Variants in SIDT2 observed in about 807,000 individuals in gnomAD.
SIDT2 encodes SID1 transmembrane family, member 2.
A neutral mutation model predicts 114.4 loss-of-function variants in SIDT2; 68 were observed. The observed-to-expected ratio is 0.59, with a 90% CI of 0.49 to 0.73. The LOEUF is 0.73. SIDT2 is among the 30% of genes least tolerant of loss of function. SIDT2 has a pLI of 0.00. For missense variants in SIDT2, 918 were observed against 1,097.1 expected (o/e 0.84, Z 2.31); for synonymous variants, 470 against 438.4 (o/e 1.07, Z -0.90).
intron 22 of SIDT2, 74 bp from the exon 23 acceptor site, chr11:117,193,079 G>T (rs894270064): frequency 6.0e-5 from 90 of 1,493,836 alleles, no homozygotes; most frequent in Middle Eastern, 1.7e-4. Flanking sequence ...AATAAAACAT[G>T]CCTAGGCAGG....
At chr11:117,184,253 G>A in intron 8 of SIDT2, 114 bp downstream of exon 8, 2 of 1,053,670 alleles carry the variant, frequency 1.9e-6, no homozygotes, top group Non-Finnish European at 2.8e-6. Context: ...ATATGCTGGT[G>A]GGGTAGGAAC....
chr11:117,193,187 T>C lies in SIDT2; in HGVS notation c.2140T>C (p.Phe714Leu). The change falls in exon 23 of 26, where the codon TTC becomes CTC. Residue 714 changes from phenylalanine (F) to leucine (L), a missense_variant. By Grantham distance (22) the Phe-to-Leu change is conservative (BLOSUM62 0). Transcript: ENST00000324225. ...TGGGCTTATCATGCGCCCCAATGAT[T>C]TCGCTTCCTACTTGTTGGCCATTGG... is the stretch of plus-strand genomic sequence containing the variant. ...AYGLIMRPNDFASYLLAIGIC... is the reference protein window; with the variant it reads ...AYGLIMRPNDLASYLLAIGIC... 6.2e-7 allele frequency: 1 copy of C among 1,614,142 alleles called. No individual in the cohort carries two copies. The highest frequency in any genetic ancestry group is 8.5e-7 in the Non-Finnish European group (1 of 1,180,014).
Position 117,181,404 on chromosome 11 carries a change from G to T in SIDT2, c.184-12G>T. On this transcript the variant is annotated splice_polypyrimidine_tract_variant and intron_variant, in intron 1 of 25. Coordinates refer to ENST00000324225, the MANE Select transcript of SIDT2 (RefSeq NM_001040455.2). The stretch of plus-strand genomic sequence containing the variant: ...GCAGAGGCTTGAGAGGCATTTCCAT[G>T]TCGTTCTGCAGACAGAGGGCGTGCG... The T allele has an allele frequency of 6.2e-7, 1 of 1,613,244 alleles. No individual in the cohort carries two copies. The highest frequency in any genetic ancestry group is 1.6e-4 in the Middle Eastern group (1 of 6,062).
chr11:117,186,928 C>G (rs2030518186), intron 10 of SIDT2: 3 of 1,487,822 alleles, frequency 2.0e-6, no homozygotes, highest in Non-Finnish European at 2.7e-6. Flanking sequence ...CTTTCCTTCT[C>G]TCTCTCTTCC....
At chr11:117,182,684 C>T (rs1186765108) in intron 5 of SIDT2, 39 bp from the exon 6 acceptor site, 3 of 1,613,910 alleles carry the variant, frequency 1.9e-6, no homozygotes, top group Non-Finnish European at 2.5e-6. Flanking sequence ...GAGGGGCAGG[C>T]CAGGTTCCCA....
chr11:117,188,099 T>C lies in SIDT2; in HGVS notation c.1159+400T>C. ...TTGCCCGCTCTTGTGTCTTCTGAGA[T>C]AGCAGCAGAGCACAGGCTCCTTTGG... is the stretch of plus-strand genomic sequence containing the variant. On this transcript the variant is annotated intron_variant, in intron 12 of 25. Transcript: ENST00000324225. The surrounding 1 kb of genome is among the most constrained non-coding windows in gnomAD (Gnocchi z 4.0). 2.4e-6 allele frequency: 1 copy of C among 419,400 alleles called. No individual in the cohort carries two copies. The highest frequency in any genetic ancestry group is 4.7e-6 in the Non-Finnish European group (1 of 212,306). 26.0% of individuals were successfully genotyped at this position (419,400 alleles called of 1,614,324 possible).
chr11:117,190,315 G>GCAGCCT lies in SIDT2; in HGVS notation c.1617+31_1617+36dup. 1 of 1,525,102 alleles carries GCAGCCT rather than the reference G, an allele frequency of 6.6e-7. No individual in the cohort carries two copies. The highest frequency in any genetic ancestry group is 8.8e-7 in the Non-Finnish European group (1 of 1,137,924). The allele number at this position is 1,525,102 out of a possible 1,614,324, so 94.5% of individuals were successfully genotyped here. On this transcript the variant is annotated intron_variant, in intron 17 of 25. Transcript: ENST00000324225. The surrounding 1 kb of genome is among the most constrained non-coding windows in gnomAD (Gnocchi z 4.1). ...GTAAGGGAGCACCTGCCTGCCTGCC[G>GCAGCCT]CAGCCTCAGCTCCAGCACAGACCTC...
chr11:117,189,721 T>G (rs1239079761), intron 15 of SIDT2: 2 of 600,892 alleles, frequency 3.3e-6, no homozygotes, highest in Non-Finnish European at 5.9e-6. Flanking sequence ...GGCAAGAACT[T>G]CCATCACGGT....
rs1565283087 is a variant in SIDT2, at chr11:117,179,376, C to T, written c.113C>T (p.Thr38Ile). 2.5e-6 allele frequency: 4 copies of T among 1,614,048 alleles called. No homozygotes were observed. Among genetic ancestry groups the T allele is most frequent in the African/African-American group, 1.3e-5 (1 of 74,926 alleles). Reference sequence around the variant, plus strand: ...CAGAAAGACGCCGAGTTTGAGCGCACCTACGTGGACGAGGTCAACAGCGAG... The same window carrying T: ...CAGAAAGACGCCGAGTTTGAGCGCATCTACGTGGACGAGGTCAACAGCGAG... ...VSQKDAEFER[T>I]YVDEVNSELV... Residue 38 changes from threonine (T) to isoleucine (I), a missense_variant, in exon 1 of 26, where the codon ACC becomes ATC. This residue lies in a region of SIDT2 where 553 missense variants were observed against 600.1 expected (regional missense o/e 0.92). Transcript: ENST00000324225.
chr11:117,183,438 G>A (rs549328639), intron 6 of SIDT2, among the ~76,000 whole-genome samples: 31 of 151,998 alleles, frequency 2.0e-4, no homozygotes, highest in Non-Finnish European at 3.5e-4. Flanking sequence ...AGGCGTTCAA[G>A]ACCAGCCTGG....
chr11:117,181,563 A>G (rs2030285864), intron 2 of SIDT2, 26 bp downstream of exon 2: 1 of 1,613,538 alleles, frequency 6.2e-7, no homozygotes, highest in East Asian at 2.2e-5. Context: ...GCATCAGGGA[A>G]GCGGGGCAGC....
rs2030667497 is a variant in SIDT2 at position 117,190,677 on chromosome 11, A to G, written c.1672A>G (p.Met558Val). ...GLFYAMGTALMMEGLLSACYH... is the reference protein window; with the variant it reads ...GLFYAMGTALVMEGLLSACYH... The stretch of plus-strand genomic sequence containing the variant: ...TTTCTACGCCATGGGCACAGCCCTG[A>G]TGATGGAGGGGCTGCTCAGTGCTTG... The change falls in exon 18 of 26, where the codon ATG (methionine) becomes GTG (valine). Residue 558 changes from methionine to valine, a missense_variant. By Grantham distance (21) the Met-to-Val change is conservative. Around this residue, in one of 4 missense-constraint regions of SIDT2, gnomAD observed 275 missense variants for 397.6 expected, o/e 0.69. Transcript: ENST00000324225. The surrounding 1 kb of genome is among the most constrained non-coding windows in gnomAD (Gnocchi z 4.1). 1 of 1,612,734 alleles carries G rather than the reference A, an allele frequency of 6.2e-7. No individual in the cohort carries two copies. The highest frequency in any genetic ancestry group is 1.3e-5 in the African/African-American group (1 of 74,996).
At chr11:117,180,138 C>T (rs1010166344) in intron 1 of SIDT2, among the ~76,000 whole-genome samples, 1 of 152,226 alleles carries the variant, frequency 6.6e-6, no homozygotes, top group African/African-American at 2.4e-5. Context: ...TGGGAGAATT[C>T]TTGCAACCTG....
At chr11:117,193,788 G>A (rs530697102) in intron 23 of SIDT2, 65 bp from the exon 24 acceptor site, 3 of 1,197,634 alleles carry the variant, frequency 2.5e-6, no homozygotes, top group Admixed American at 3.4e-5. Flanking sequence ...GGAAAGGCTG[G>A]GTGGGACAGC....
At position 117,190,157 on chromosome 11, in the gene SIDT2, C is replaced by G; in HGVS notation, c.1494-9C>G. On this transcript the variant is annotated splice_polypyrimidine_tract_variant and intron_variant, in intron 16 of 25. Transcript: ENST00000324225. This position sits in a 1 kb window ranked among gnomAD's most constrained non-coding sequence, Gnocchi z 4.1. ...TCCCAAGCAGTCTGCCTTGTGTTGCCCCTTCTAGCGCCTTCAACAACATCC... is the reference window on the plus strand; with the variant it reads ...TCCCAAGCAGTCTGCCTTGTGTTGCGCCTTCTAGCGCCTTCAACAACATCC... The G allele has an allele frequency of 6.3e-7, 1 of 1,591,118 alleles. No homozygotes were observed. The highest frequency in any genetic ancestry group is 1.1e-5 in the South Asian group (1 of 87,476).
chr11:117,190,262 C>A lies in SIDT2; in HGVS notation c.1590C>A (p.Ala530=). ...AACGGGAGATCAACCACAACCGGGC[C>A]CTGCTGCGCAATGACCTCTGTGCCC... is the stretch of plus-strand genomic sequence containing the variant. ...ILQREINHNR[A]LLRNDLCALE... is the part of the protein sequence containing the mutation. The change falls in exon 17 of 26, where the codon GCC becomes GCA. Residue 530 remains alanine (A), a synonymous_variant. Transcript: ENST00000324225. This position sits in a 1 kb window ranked among gnomAD's most constrained non-coding sequence, Gnocchi z 4.1. The A allele has an allele frequency of 1.3e-6, 2 of 1,559,750 alleles. No homozygotes were observed. Among genetic ancestry groups the A allele is most frequent in the South Asian group, 2.4e-5 (2 of 81,666 alleles).
intron 24 of SIDT2, among the ~76,000 whole-genome samples, chr11:117,195,085 C>CAAAAAA (rs55970874): frequency 0.19 from 8,601 of 45,472 alleles, 2,975 homozygotes; most frequent in Non-Finnish European, 0.28. Flanking sequence ...GACTCTGTCT[C>CAAAAAA]AAAAAAAAAA....
rs1177227847 is a variant in SIDT2 at position 117,187,441 on chromosome 11, G to C, written c.1079G>C (p.Gly360Ala). The C allele has an allele frequency of 5.6e-6, 9 of 1,613,848 alleles. No individual in the cohort carries two copies. Among genetic ancestry groups the C allele is most frequent in the African/African-American group, 1.3e-5 (1 of 74,852 alleles). Residue 360 changes from glycine to alanine, a missense_variant, in exon 11 of 26, where the codon GGC (glycine) becomes GCC (alanine). Coordinates refer to ENST00000324225, the MANE Select transcript of SIDT2 (RefSeq NM_001040455.2). ...TCCCCTTATGAGGGTTACAACTATG[G>C]CTCCTTTGGTACGTGTCAAAGCCAG... is the stretch of plus-strand genomic sequence containing the variant. ...GSSPYEGYNY[G>A]SFENVSGSTD...
chr11:117,183,396 G>A (rs2030373662), intron 6 of SIDT2, among the ~76,000 whole-genome samples: 1 of 151,342 alleles, frequency 6.6e-6, no homozygotes, highest in African/African-American at 2.4e-5. Flanking sequence ...CCCACACTTC[G>A]GGAGGCTGAG....
Sources: gnomAD v4.1 joint callset for allele counts (sites outside exome capture counted in the v4.1 genomes callset) on GRCh38, gnomAD v4.1.1 for gene constraint, gnomAD v4.1.1 regional missense constraint, Gnocchi (gnomAD v3.1) non-coding constraint, MANE v1.5 for transcripts, NCBI Gene and HGNC (gene_info 2026-07-23, HGNC 2026-07-21) for gene names.